KIRREL3: variants seen among roughly 807,000 people sequenced by gnomAD.
KIRREL3 encodes kirre like nephrin family adhesion molecule 3.
A neutral mutation model predicts 89.7 loss-of-function variants in KIRREL3; 36 were observed. The ratio of observed to expected loss-of-function variants is 0.40; its 90% CI spans 0.31 to 0.53. The LOEUF is 0.53. Among genes scored for constraint, KIRREL3 ranks in the 20% least tolerant of loss-of-function variants. The pLI is 0.49. For missense variants in KIRREL3, 864 were observed against 1,056.6 expected, an observed-to-expected ratio of 0.82 and a Z score of 2.53; for synonymous variants, 445 against 441.4, an observed-to-expected ratio of 1.01 and a Z score of -0.10.
chr11:126,828,379 G>A (rs1214083964), intron 1 of KIRREL3, among the ~76,000 whole-genome samples: 3 of 151,976 alleles, frequency 2.0e-5, no homozygotes, highest in Non-Finnish European at 4.4e-5. Context: ...CTCATCTGGG[G>A]TGACTTTCCC....
rs73018556 is a variant in KIRREL3 at position 126,748,104 on chromosome 11, C to T, written c.56-185192G>A. On this transcript the variant is annotated intron_variant, in intron 1 of 16. Transcript: ENST00000525144. The surrounding 1 kb of genome is among the most constrained non-coding windows in gnomAD (Gnocchi z 4.6). ...GGTTCACCTTTTAAGGTGAAAATGG[C>T]CAGTCACTGAAAAGCTGAATTGTTT... Among the ~76,000 whole-genome samples, 9,125 of 152,240 alleles carry T rather than the reference C, an allele frequency of 0.06. 334 individuals carry two copies. The highest frequency in any genetic ancestry group is 0.078 in the Non-Finnish European group (5,315 of 68,000).
chr11:126,885,253 A>C (rs1034493602), intron 1 of KIRREL3, among the ~76,000 whole-genome samples: 1 of 152,174 alleles, frequency 6.6e-6, no homozygotes, highest in Non-Finnish European at 1.5e-5. Context: ...TTCAAGTGTA[A>C]CTGGATCCCA....
chr11:126,535,012 C>A lies in KIRREL3; in HGVS notation c.134-8325G>T, dbSNP rs1387086870. ...CTGGTGGGAGGAAGTGTGGAGGTGG[C>A]AGCAGCAGTGACAGGTGTGGCCTGG... On this transcript the variant is annotated intron_variant, in intron 2 of 16. Transcript: ENST00000525144. The surrounding 1 kb of genome is among the most constrained non-coding windows in gnomAD (Gnocchi z 4.5). Among the ~76,000 whole-genome samples the A allele has an allele frequency of 4.6e-5, 7 of 152,062 alleles. No individual in the cohort carries two copies. Among genetic ancestry groups the A allele is most frequent in the Admixed American group, 3.9e-4 (6 of 15,272 alleles).
At chr11:126,862,660 C>T (rs887226098) in intron 1 of KIRREL3, among the ~76,000 whole-genome samples, 3 of 152,196 alleles carry the variant, frequency 2.0e-5, no homozygotes, top group Non-Finnish European at 4.4e-5. Context: ...GGAGGCAGGG[C>T]ACCTGGCTTC....
At chr11:126,762,550 C>T (rs1363236790) in intron 1 of KIRREL3, among the ~76,000 whole-genome samples, 1 of 152,198 alleles carries the variant, frequency 6.6e-6, no homozygotes, top group Non-Finnish European at 1.5e-5. Flanking sequence ...TGTAAAACTT[C>T]CAGATGAAGC....
intron 1 of KIRREL3, among the ~76,000 whole-genome samples, chr11:126,662,293 T>C (rs1168954740): frequency 6.6e-6 from 1 of 152,220 alleles, no homozygotes; most frequent in Admixed American, 6.5e-5. Flanking sequence ...AGTCTGCCCA[T>C]TGACCATCAA....
chr11:126,874,973 G>T (rs569015729), intron 1 of KIRREL3, among the ~76,000 whole-genome samples: 62 of 152,152 alleles, frequency 4.1e-4, no homozygotes, highest in Non-Finnish European at 7.4e-4. Flanking sequence ...CCTAAATCGG[G>T]AGAGGTCTGT....
At chr11:126,888,263 T>C (rs1945776056) in intron 1 of KIRREL3, among the ~76,000 whole-genome samples, 1 of 152,098 alleles carries the variant, frequency 6.6e-6, no homozygotes, top group African/African-American at 2.4e-5. Context: ...ATCAGACAAT[T>C]TACAATTCAG....
rs558657375 is a variant in KIRREL3, at chr11:126,512,571, C to G, written c.433+8744G>C. ...GGGGCCTCCTCCAGGCAGCTGCCCCCCGCATGTTATAGGAAGGGGCTTAGA... is the reference window on the plus strand; with the variant it reads ...GGGGCCTCCTCCAGGCAGCTGCCCCGCGCATGTTATAGGAAGGGGCTTAGA... On this transcript the variant is annotated intron_variant, in intron 4 of 16. Transcript: ENST00000525144. Among the ~76,000 whole-genome samples the G allele has an allele frequency of 1.9e-3, 284 of 152,264 alleles. 3 individuals are homozygous for G. The highest frequency in any genetic ancestry group is 3.1e-3 in the Non-Finnish European group (212 of 68,014).
chr11:126,504,602 C>G (rs1040670714), intron 4 of KIRREL3, among the ~76,000 whole-genome samples: 8 of 152,194 alleles, frequency 5.3e-5, no homozygotes, highest in African/African-American at 1.9e-4. Flanking sequence ...TAATATCAAT[C>G]CTTTGTGAAA....
At position 126,709,986 on chromosome 11, in the gene KIRREL3, C is replaced by T. The variant is rs1254701915; in HGVS notation, c.56-147074G>A. ...CTGCATTCATTATCACTAATCCTTA[C>T]ACATGCCCTGCCAGGAAGTTACTGT... is the stretch of plus-strand genomic sequence containing the variant. On this transcript the variant is annotated intron_variant, in intron 1 of 16. Transcript: ENST00000525144. The surrounding 1 kb of genome is among the most constrained non-coding windows in gnomAD (Gnocchi z 4.0). Among the ~76,000 whole-genome samples, 1 of 152,208 alleles carries T rather than the reference C, an allele frequency of 6.6e-6. No homozygotes were observed. The highest frequency in any genetic ancestry group is 2.4e-5 in the African/African-American group (1 of 41,452).
At position 126,431,111 on chromosome 11, in the gene KIRREL3, C is replaced by A. The variant is rs951681889; in HGVS notation, c.1696+308G>T. ...AGAGCAAGGATCAAACCACAAACCG[C>A]TTTTCCCCCTATCTTTCTGTACAGT... On this transcript the variant is annotated intron_variant, in intron 14 of 16. Transcript: ENST00000525144. The surrounding 1 kb of genome is among the most constrained non-coding windows in gnomAD (Gnocchi z 7.1). The A allele has an allele frequency of 1.4e-6, 2 of 1,409,268 alleles. No homozygotes were observed. The highest frequency in any genetic ancestry group is 1.8e-6 in the Non-Finnish European group (2 of 1,085,374). The allele number at this position is 1,409,268 out of a possible 1,614,324, so 87.3% of individuals were successfully genotyped here. A position where few individuals can be genotyped will look rare whatever the true frequency, so the allele number is the denominator to read the frequency against.
rs1940672869 is a variant in KIRREL3, at chr11:126,568,370, C to G, written c.56-5458G>C. 6.6e-6 allele frequency among the ~76,000 whole-genome samples: 1 copy of G among 152,216 alleles called. No individual in the cohort carries two copies. Among genetic ancestry groups the G allele is most frequent in the African/African-American group, 2.4e-5 (1 of 41,466 alleles). On this transcript the variant is annotated intron_variant, in intron 1 of 16. Transcript: ENST00000525144. The surrounding 1 kb of genome is among the most constrained non-coding windows in gnomAD (Gnocchi z 4.6). Reference sequence around the variant, plus strand: ...CTCCAGGTGGGAGATGGTGGGCTTGCATCTGCTGCTTCTTCCTGCTCTCTG... The same window carrying G: ...CTCCAGGTGGGAGATGGTGGGCTTGGATCTGCTGCTTCTTCCTGCTCTCTG...
chr11:126,511,439 C>T (rs1459462680), intron 4 of KIRREL3, among the ~76,000 whole-genome samples: 9 of 152,224 alleles, frequency 5.9e-5, no homozygotes, highest in African/African-American at 2.2e-4. Flanking sequence ...CAGGTCCCCT[C>T]ACAGCAGCAA....
rs377231504 is a variant in KIRREL3, at chr11:126,811,180, C to T, written c.55+189275G>A. ...CAGCTAGCAACTCCATGTGTTGTTACCCCACCTGACAGTTCACAATTCTGT... is the reference window on the plus strand; with the variant it reads ...CAGCTAGCAACTCCATGTGTTGTTATCCCACCTGACAGTTCACAATTCTGT... On this transcript the variant is annotated intron_variant, in intron 1 of 16. Transcript: ENST00000525144. The surrounding 1 kb of genome is among the most constrained non-coding windows in gnomAD (Gnocchi z 4.3). 6.6e-6 allele frequency among the ~76,000 whole-genome samples: 1 copy of T among 152,316 alleles called. No individual in the cohort carries two copies. The highest frequency in any genetic ancestry group is 1.9e-4 in the East Asian group (1 of 5,180).
chr11:126,493,677 A>G (rs1957586838), intron 4 of KIRREL3, among the ~76,000 whole-genome samples: 1 of 148,370 alleles, frequency 6.7e-6, no homozygotes, highest in Non-Finnish European at 1.5e-5. Flanking sequence ...AAAAAAAAAG[A>G]GAGAATTGGA....
At position 126,924,382 on chromosome 11, in the gene KIRREL3, C is replaced by T. The variant is rs978004928; in HGVS notation, c.55+76073G>A. Among the ~76,000 whole-genome samples the T allele has an allele frequency of 6.6e-6, 1 of 152,182 alleles. No individual in the cohort carries two copies. The highest frequency in any genetic ancestry group is 2.1e-4 in the South Asian group (1 of 4,828). On this transcript the variant is annotated intron_variant, in intron 1 of 16. Coordinates refer to ENST00000525144, the MANE Select transcript of KIRREL3 (RefSeq NM_032531.4). This position sits in a 1 kb window ranked among gnomAD's most constrained non-coding sequence, Gnocchi z 4.7. ...CTGTCTCCCAGCACCTAGCATAACA[C>T]CAGGTCCTTATAAGTACTCAAAAAA...
chr11:126,580,588 G>A (rs1941491560), intron 1 of KIRREL3, among the ~76,000 whole-genome samples: 1 of 152,160 alleles, frequency 6.6e-6, no homozygotes, highest in East Asian at 1.9e-4. Flanking sequence ...CTCCTGTGAT[G>A]GAGCCTCTAG....
At chr11:126,980,056 C>T (rs1373536550) in intron 1 of KIRREL3, among the ~76,000 whole-genome samples, 1 of 152,144 alleles carries the variant, frequency 6.6e-6, no homozygotes, top group Non-Finnish European at 1.5e-5. Context: ...ATTATGTCGG[C>T]AGAGAAGAAA....
Sources: allele counts gnomAD v4.1 joint callset (sites outside exome capture counted in the v4.1 genomes callset), GRCh38; gene constraint gnomAD v4.1.1; non-coding constraint Gnocchi (gnomAD v3.1); transcripts MANE v1.5; gene names NCBI Gene and HGNC (gene_info 2026-07-23, HGNC 2026-07-21).